Variants in ZNF335 observed in about 807,000 individuals in gnomAD.
ZNF335 encodes the protein zinc finger protein 335, also known as NRC-interacting factor 1.
ZNF335 carries 84 observed loss-of-function variants against 145.6 expected under a neutral mutation model. The ratio of observed to expected loss-of-function variants is 0.58; its 90% CI spans 0.48 to 0.69. The LOEUF is 0.69. ZNF335 is among the 30% of genes least tolerant of loss of function. ZNF335 has a pLI of 0.00. For synonymous variants in ZNF335, 761 were observed against 717.0 expected, an observed-to-expected ratio of 1.06 and a Z score of -0.98; for missense variants, 1,865 against 1,809.7, an observed-to-expected ratio of 1.03 and a Z score of -0.55.
At chr20:45,959,002 C>T (rs2083776609) in intron 15 of ZNF335, among the ~76,000 whole-genome samples, 199 bp downstream of exon 15, 1 of 152,234 alleles carries the variant, frequency 6.6e-6, no homozygotes, top group Admixed American at 6.5e-5. Flanking sequence ...AGTTAAGTTA[C>T]TGGTGTTTCC....
intron 20 of ZNF335, among the ~76,000 whole-genome samples, chr20:45,951,420 C>T (rs2083629346): frequency 6.6e-6 from 1 of 152,264 alleles, no homozygotes; most frequent in Admixed American, 6.5e-5. Context: ...CACCTCGAAC[C>T]TCTGTGCCCT....
intron 15 of ZNF335, 69 bp from the exon 16 acceptor site, chr20:45,957,997 C>A (rs1251934750): frequency 8.1e-7 from 1 of 1,237,616 alleles, no homozygotes; most frequent in Non-Finnish European, 1.2e-6. Flanking sequence ...TGCCAAGCAC[C>A]TCTGATCTGC....
chr20:45,959,922 T>C (rs2083802359), intron 14 of ZNF335, among the ~76,000 whole-genome samples: 1 of 152,242 alleles, frequency 6.6e-6, no homozygotes, highest in South Asian at 2.1e-4. Flanking sequence ...ACTTTCATCA[T>C]AGCCATATGG....
At chr20:45,962,318 C>T (rs547323321) in intron 9 of ZNF335, 136 bp from the exon 10 acceptor site, 1 of 688,152 alleles carries the variant, frequency 1.5e-6, no homozygotes, top group Non-Finnish European at 2.6e-6. Flanking sequence ...ACAACACACC[C>T]CGACGCAAGG....
intron 20 of ZNF335, among the ~76,000 whole-genome samples, chr20:45,951,499 T>C (rs2083631135): frequency 6.6e-6 from 1 of 152,240 alleles, no homozygotes. Context: ...GATAACTGTT[T>C]CACGGCATGT....
At chr20:45,971,062 C>A (rs2084055139) in intron 2 of ZNF335, 148 bp downstream of exon 2, 1 of 1,306,390 alleles carries the variant, frequency 7.7e-7, no homozygotes, top group Middle Eastern at 2.7e-4. Context: ...ATGAGAAAAT[C>A]CATTTTAGGG....
In ZNF335 at chr20:45,949,955, C is replaced by T. The variant is rs2083598582; in HGVS notation, c.3591+11G>A. 1 of 1,614,032 alleles carries T rather than the reference C, an allele frequency of 6.2e-7. No homozygotes were observed. Among genetic ancestry groups the T allele is most frequent in the Admixed American group, 1.7e-5 (1 of 60,002 alleles). ...GTCGCTGGCCAGAGGGCCCCCAGTCCTGACTCTTACCTGATTGGTCACTGT... is the reference window on the plus strand; with the variant it reads ...GTCGCTGGCCAGAGGGCCCCCAGTCTTGACTCTTACCTGATTGGTCACTGT... On this transcript the variant is annotated intron_variant, in intron 23 of 27. Coordinates refer to ENST00000322927, the MANE Select transcript of ZNF335 (RefSeq NM_022095.4).
chr20:45,971,277 G>A lies in ZNF335; in HGVS notation c.134C>T (p.Ala45Val). 2 of 1,573,634 alleles carry A rather than the reference G, an allele frequency of 1.3e-6. No homozygotes were observed. The highest frequency in any genetic ancestry group is 1.7e-6 in the Non-Finnish European group (2 of 1,165,902). The change falls in exon 2 of 28, where the codon GCC becomes GTC. Residue 45 changes from alanine to valine, a missense_variant. Transcript: ENST00000322927. ...VSADSSDAAA[A>V]PGQAEADDSG... ...GTCATCGGCCTCTGCCTGCCCCGGG[G>A]CGGCCGCGGCGTCGCTGCTGTCGGC...
intron 9 of ZNF335, among the ~76,000 whole-genome samples, chr20:45,962,812 T>G (rs368149387): frequency 0.013 from 1,238 of 95,298 alleles, 44 homozygotes; most frequent in African/African-American, 0.039. Context: ...TTTTTTTTTT[T>G]TTGTTTGTTT....
In ZNF335 at chr20:45,967,853, C is replaced by T; in HGVS notation, c.695G>A (p.Ser232Asn). ...ASGAEEPDLQ[S>N]LEAMMEVVVV... is the part of the protein sequence containing the mutation. The stretch of plus-strand genomic sequence containing the variant: ...CACCACCTCCATCATGGCCTCCAGG[C>T]TCTGCAGGTCCGGCTCTTCGGCACC... The change falls in exon 5 of 28, where the codon AGC becomes AAC. Residue 232 changes from serine (S) to asparagine (N), a missense_variant. By Grantham distance (46) the Ser-to-Asn change is conservative. Coordinates refer to ENST00000322927, the MANE Select transcript of ZNF335 (RefSeq NM_022095.4). 6.2e-7 allele frequency: 1 copy of T among 1,613,484 alleles called. No homozygotes were observed. Among genetic ancestry groups the T allele is most frequent in the Non-Finnish European group, 8.5e-7 (1 of 1,180,046 alleles).
intron 26 of ZNF335, 24 bp downstream of exon 26, chr20:45,949,309 C>G (rs762561338): frequency 6.2e-6 from 10 of 1,614,088 alleles, no homozygotes; most frequent in East Asian, 2.2e-5. Context: ...TGCCCCAGGT[C>G]TCCCTGTCCC....
intron 9 of ZNF335, among the ~76,000 whole-genome samples, chr20:45,963,165 C>G (rs1014722864): frequency 2.0e-5 from 3 of 152,164 alleles, no homozygotes; most frequent in African/African-American, 7.2e-5. Flanking sequence ...GGAAATCTTT[C>G]TAACACATGG....
chr20:45,949,627 C>A, intron 24 of ZNF335, 59 bp from the exon 25 acceptor site: 1 of 1,534,606 alleles, frequency 6.5e-7, no homozygotes, highest in East Asian at 2.3e-5. Context: ...TCGCCAGGAG[C>A]TTAGCTAAGA....
At chr20:45,964,157 G>GA in intron 7 of ZNF335, 167 bp from the exon 8 acceptor site, 1 of 792,478 alleles carries the variant, frequency 1.3e-6, no homozygotes, top group Non-Finnish European at 1.8e-6. Flanking sequence ...GGGCAGCATG[G>GA]ATACTACCGC....
At chr20:45,956,865 T>G (rs1313997376) in intron 17 of ZNF335, among the ~76,000 whole-genome samples, 3 of 151,894 alleles carry the variant, frequency 2.0e-5, no homozygotes, top group Non-Finnish European at 2.9e-5. Context: ...GGGGGAGTCT[T>G]TCTAGGGATG....
chr20:45,959,768 A>G (rs2083799935), intron 14 of ZNF335, among the ~76,000 whole-genome samples: 1 of 152,160 alleles, frequency 6.6e-6, no homozygotes, highest in African/African-American at 2.4e-5. Context: ...TAGGCACCAA[A>G]GAAACAATGT....
At position 45,965,650 on chromosome 20, in the gene ZNF335, C is replaced by T. The variant is rs562618417; in HGVS notation, c.1080G>A (p.Leu360=). The T allele has an allele frequency of 1.3e-6, 2 of 1,599,510 alleles. No individual in the cohort carries two copies. The highest frequency in any genetic ancestry group is 1.7e-5 in the Admixed American group (1 of 57,848). ...CACCATCTGGGAGGTCTGAGATCTC[C>T]AGGCGGGGCAGCTTCCGGGGCCGGC... ...RPGRPRKLPR[L]EISDLPDGVE... The change falls in exon 7 of 28, where the codon CTG becomes CTA. Residue 360 remains leucine (L), a synonymous_variant. Coordinates refer to ENST00000322927, the MANE Select transcript of ZNF335 (RefSeq NM_022095.4).
intron 14 of ZNF335, among the ~76,000 whole-genome samples, chr20:45,959,747 G>C (rs955069089): frequency 6.6e-6 from 1 of 152,166 alleles, no homozygotes; most frequent in Non-Finnish European, 1.5e-5. Context: ...CTAGTGTGCT[G>C]ACCAGGGAGC....
intron 20 of ZNF335, among the ~76,000 whole-genome samples, chr20:45,951,587 G>A (rs1414256843): frequency 6.6e-6 from 1 of 152,230 alleles, no homozygotes; most frequent in Non-Finnish European, 1.5e-5. Context: ...AGGAGTGTGT[G>A]ACCTAGATTA....
Sources: allele counts gnomAD v4.1 joint callset (sites outside exome capture counted in the v4.1 genomes callset), GRCh38; gene constraint gnomAD v4.1.1; transcripts MANE v1.5; gene names NCBI Gene and HGNC (gene_info 2026-07-23, HGNC 2026-07-21).